ITIH1: variants seen among roughly 807,000 people sequenced by gnomAD.
ITIH1 encodes the protein inter-alpha-trypsin inhibitor heavy chain H1.
Under a neutral mutation model 104.6 loss-of-function variants are expected in ITIH1, and 94 were observed. The ratio of observed to expected loss-of-function variants is 0.90; its 90% CI spans 0.76 to 1.07. The LOEUF is 1.07. Ranked by LOEUF, ITIH1 falls within the 50% of genes least tolerant of loss-of-function variation. ITIH1 has a pLI of 0.00. For missense variants in ITIH1, 1,193 were observed against 1,181.4 expected, an observed-to-expected ratio of 1.01 and a Z score of -0.14; for synonymous variants, 455 against 464.4, an observed-to-expected ratio of 0.98 and a Z score of 0.26.
chr3:52,790,623 A>G (rs1578743998), intron 19 of ITIH1, 126 bp from the exon 20 acceptor site: 2 of 917,134 alleles, frequency 2.2e-6, no homozygotes, highest in Non-Finnish European at 3.4e-6. Flanking sequence ...ACAGCCGGCC[A>G]TCTGGGGATG....
intron 13 of ITIH1, 122 bp from the exon 14 acceptor site, chr3:52,786,823 C>T (rs1699214663): frequency 8.5e-7 from 1 of 1,180,734 alleles, no homozygotes; most frequent in Non-Finnish European, 1.2e-6. Flanking sequence ...ACCATGGGGG[C>T]TTAATACTTA....
chr3:52,783,052 C>T lies in ITIH1; in HGVS notation c.1026C>T (p.Gly342=), dbSNP rs1699103858. ...GGACTCGAGTACAATCGTGGAAGGG[C>T]TCGCTGGTGCAAGCATCTGAGGCCA... ...LFGTRVQSWK[G]SLVQASEANL... The change falls in exon 9 of 22, where the codon GGC becomes GGT. Residue 342 remains glycine (G), a synonymous_variant. Transcript: ENST00000273283. 2 of 1,614,098 alleles carry T rather than the reference C, an allele frequency of 1.2e-6. No homozygotes were observed. Among genetic ancestry groups the T allele is most frequent in the Non-Finnish European group, 8.5e-7 (1 of 1,180,024 alleles).
At chr3:52,780,075 G>A in intron 5 of ITIH1, 194 bp from the exon 6 acceptor site, 1 of 1,031,920 alleles carries the variant, frequency 9.7e-7, no homozygotes, top group Non-Finnish European at 1.4e-6. Context: ...GACACATGCT[G>A]GCTCTTGGCT....
chr3:52,781,913 A>G lies in ITIH1; in HGVS notation c.688-27A>G, dbSNP rs552988022. The G allele has an allele frequency of 8.1e-6, 13 of 1,613,344 alleles. No individual in the cohort carries two copies. In the Admixed American group the frequency reaches 2.0e-4, roughly 25 times the overall value. ...CTTGTTTGTGGTTACACAGACCAGT[A>G]ATGGCTCACACTCTCGACGGTTCCA... On this transcript the variant is annotated intron_variant, in intron 6 of 21. Transcript: ENST00000273283.
intron 5 of ITIH1, 34 bp from the exon 6 acceptor site, chr3:52,780,235 T>G: frequency 6.5e-7 from 1 of 1,528,098 alleles, no homozygotes; most frequent in Non-Finnish European, 9.0e-7. Flanking sequence ...TCCCATCTTT[T>G]TTTTTAAAAA....
chr3:52,784,557 A>G, intron 11 of ITIH1, 80 bp downstream of exon 11: 1 of 1,399,934 alleles, frequency 7.1e-7, no homozygotes, highest in South Asian at 1.3e-5. Context: ...CCATCAGCCT[A>G]GAGGAGCAGA....
chr3:52,777,826 A>AC (rs1367383476), intron 1 of ITIH1, 94 bp downstream of exon 1: 3 of 1,349,668 alleles, frequency 2.2e-6, no homozygotes, highest in Admixed American at 3.5e-5. Flanking sequence ...GGCCAGGGTC[A>AC]CCCCCACCAC....
intron 16 of ITIH1, 47 bp from the exon 17 acceptor site, chr3:52,787,939 G>A (rs1008639459): frequency 7.1e-6 from 11 of 1,551,146 alleles, no homozygotes; most frequent in Admixed American, 1.7e-5. Context: ...CAGCTCCAGG[G>A]AAGGCCTGGC....
At chr3:52,791,653 G>T in intron 21 of ITIH1, 25 bp downstream of exon 21, 1 of 1,611,280 alleles carries the variant, frequency 6.2e-7, no homozygotes. Flanking sequence ...TGCCCAGCAC[G>T]TCTGCCCTCG....
In ITIH1 at chr3:52,788,064, G is replaced by A. The variant is rs972738801; in HGVS notation, c.2003G>A (p.Gly668Asp). 1.2e-6 allele frequency: 2 copies of A among 1,602,606 alleles called. No homozygotes were observed. The highest frequency in any genetic ancestry group is 1.7e-6 in the Non-Finnish European group (2 of 1,173,974). ...NTQRLPDRVT[G>D]VDTDPHFIIH... ...CAGCGGCTGCCAGACCGAGTGACCGGCGGTGAGTCCTTGGAAGGGTCTGAG... is the reference window on the plus strand; with the variant it reads ...CAGCGGCTGCCAGACCGAGTGACCGACGGTGAGTCCTTGGAAGGGTCTGAG... The change falls in exon 17 of 22, where the codon GGC (glycine) becomes GAC (aspartate). Residue 668 changes from glycine to aspartate, a missense_variant and splice_region_variant. Physicochemically the swap from Gly to Asp is moderately conservative, Grantham distance 94. Transcript: ENST00000273283.
At chr3:52,782,921 G>A (rs751017530) in intron 8 of ITIH1, 36 bp from the exon 9 acceptor site, 1 of 1,609,998 alleles carries the variant, frequency 6.2e-7, no homozygotes, top group Non-Finnish European at 8.5e-7. Flanking sequence ...GCCACCCTGG[G>A]GCCCTGTCTG....
chr3:52,778,659 C>T (rs1434744943), intron 3 of ITIH1, 153 bp downstream of exon 3: 8 of 1,458,826 alleles, frequency 5.5e-6, no homozygotes, highest in Non-Finnish European at 7.2e-6. Context: ...GAGGAAGAAG[C>T]CCTTTAGGTC....
chr3:52,791,900 G>A lies in ITIH1; in HGVS notation c.2725G>A (p.Asp909Asn), dbSNP rs752754302. Reference sequence around the variant, plus strand: ...TGCCTACACTGATTATATCGTCCCCGACATCTTCTGAGCCCTCTGGCCAGC... The same window carrying A: ...TGCCTACACTGATTATATCGTCCCCAACATCTTCTGAGCCCTCTGGCCAGC... ...DGAYTDYIVP[D>N]IF Residue 909 changes from aspartate to asparagine, a missense_variant, in exon 22 of 22, where the codon GAC (aspartate) becomes AAC (asparagine). Transcript: ENST00000273283. The A allele has an allele frequency of 5.6e-6, 9 of 1,612,418 alleles. No individual in the cohort carries two copies. Among genetic ancestry groups the A allele is most frequent in the East Asian group, 2.2e-5 (1 of 44,876 alleles).
chr3:52,790,761 C>T lies in ITIH1; in HGVS notation c.2334C>T (p.Thr778=). The part of the protein sequence containing the change: ...AVLRQDGVVV[T]INKKRNLVVS... ...CCTGGCTCTGCAGGGTGGTGGTGAC[C>T]ATCAACAAGAAGAGGAACCTGGTGG... Residue 778 remains threonine (T), a synonymous_variant, in exon 20 of 22, where the codon ACC becomes ACT. Coordinates refer to ENST00000273283, the MANE Select transcript of ITIH1 (RefSeq NM_002215.4). 3.1e-6 allele frequency: 5 copies of T among 1,612,428 alleles called. No homozygotes were observed. The highest frequency in any genetic ancestry group is 4.2e-6 in the Non-Finnish European group (5 of 1,179,360).
At chr3:52,790,958 G>C (rs1458086269) in intron 20 of ITIH1, 37 bp downstream of exon 20, 2 of 1,572,310 alleles carry the variant, frequency 1.3e-6, no homozygotes, top group South Asian at 2.4e-5. Context: ...GTGGGGAAGG[G>C]TGTTGAAGCC....
intron 17 of ITIH1, 71 bp from the exon 18 acceptor site, chr3:52,788,161 C>A: frequency 6.6e-7 from 1 of 1,516,734 alleles, no homozygotes; most frequent in Non-Finnish European, 9.1e-7. Flanking sequence ...ACCTGCCTAG[C>A]TGAACCCCAA....
rs756014206 is a variant in ITIH1, at chr3:52,788,318, C to G, written c.2092C>G (p.Leu698Val). Residue 698 changes from leucine to valine, a missense_variant, in exon 18 of 22, where the codon CTG becomes GTG. By Grantham distance (32) the Leu-to-Val change is conservative (BLOSUM62 1). Coordinates refer to ENST00000273283, the MANE Select transcript of ITIH1 (RefSeq NM_002215.4). ...CATCAATGAGGAGCCTGGTGTTATCCTGAGCCTGGTACAGGACCCCAACAC... is the reference window on the plus strand; with the variant it reads ...CATCAATGAGGAGCCTGGTGTTATCGTGAGCCTGGTACAGGACCCCAACAC... Reference protein sequence around the residue: ...FNINEEPGVILSLVQDPNTGF... With the variant: ...FNINEEPGVIVSLVQDPNTGF... 7 of 1,608,288 alleles carry G rather than the reference C, an allele frequency of 4.4e-6. No homozygotes were observed. The highest frequency in any genetic ancestry group is 5.9e-6 in the Non-Finnish European group (7 of 1,177,300).
rs1261192751 is a variant in ITIH1, at chr3:52,778,373, G to C, written c.172G>C (p.Val58Leu). 1 of 1,614,232 alleles carries C rather than the reference G, an allele frequency of 6.2e-7. No individual in the cohort carries two copies. The highest frequency in any genetic ancestry group is 8.5e-7 in the Non-Finnish European group (1 of 1,180,042). Reference sequence around the variant, plus strand: ...TGGCGTGTTCATCCGGAGTTTGAAAGTCAACTGCAAAGTCACCTCTCGCTT... The same window carrying C: ...TGGCGTGTTCATCCGGAGTTTGAAACTCAACTGCAAAGTCACCTCTCGCTT... ...VDGVFIRSLK[V>L]NCKVTSRFAH... The change falls in exon 3 of 22, where the codon GTC becomes CTC. Residue 58 changes from valine (V) to leucine (L), a missense_variant. Coordinates refer to ENST00000273283, the MANE Select transcript of ITIH1 (RefSeq NM_002215.4).
chr3:52,790,626 TG>T, intron 19 of ITIH1, 122 bp from the exon 20 acceptor site: 1 of 944,064 alleles, frequency 1.1e-6, no homozygotes. Flanking sequence ...GCCGGCCATC[TG>T]GGGATGAAGG....
Sources: allele counts gnomAD v4.1 joint callset, GRCh38; gene constraint gnomAD v4.1.1; transcripts MANE v1.5; gene names NCBI Gene and HGNC (gene_info 2026-07-23, HGNC 2026-07-21).